Variants in ATP8A2 observed in about 807,000 individuals in gnomAD.
ATP8A2 encodes the protein phospholipid-transporting ATPase IB.
A neutral mutation model predicts 165.6 loss-of-function variants in ATP8A2; 100 were observed. The observed-to-expected ratio is 0.60, with a 90% CI of 0.51 to 0.71. The LOEUF (loss-of-function observed/expected upper bound fraction) is 0.71. ATP8A2 is among the 30% of genes least tolerant of loss of function. The probability of loss-of-function intolerance (pLI) is 0.00; values close to 1 mark genes in which losing one functional copy is unlikely to be tolerated. For synonymous variants in ATP8A2, 543 were observed against 548.8 expected (o/e 0.99, Z 0.15); for missense variants, 1,227 against 1,479.5 (o/e 0.83, Z 2.80).
chr13:25,954,726 G>A (rs1955478155), intron 33 of ATP8A2, among the ~76,000 whole-genome samples: 1 of 152,188 alleles, frequency 6.6e-6, no homozygotes, highest in South Asian at 2.1e-4. Flanking sequence ...AACACCTCCA[G>A]CAAACTCCAG....
At chr13:25,574,286 A>G (rs1313325302) in intron 18 of ATP8A2, among the ~76,000 whole-genome samples, 1 of 152,240 alleles carries the variant, frequency 6.6e-6, no homozygotes, top group Non-Finnish European at 1.5e-5. Flanking sequence ...TTTGAATTCC[A>G]AAAGATTTTT....
rs1955438849 is a variant in ATP8A2, at chr13:25,953,656, T to C, written c.3184-7919T>C. ...CTGCATTTCCAGCTGAGGAACCTGG[T>C]TCATCTCACTGGGACTGGTTAGATA... On this transcript the variant is annotated intron_variant, in intron 33 of 36. Coordinates refer to ENST00000381655, the MANE Select transcript of ATP8A2 (RefSeq NM_016529.6). The surrounding 1 kb of genome is among the most constrained non-coding windows in gnomAD (Gnocchi z 6.7). 6.6e-6 allele frequency among the ~76,000 whole-genome samples: 1 copy of C among 151,762 alleles called. No individual in the cohort carries two copies. The highest frequency in any genetic ancestry group is 1.5e-5 in the Non-Finnish European group (1 of 67,984).
At chr13:25,588,419 C>A (rs1240772925) in intron 23 of ATP8A2, among the ~76,000 whole-genome samples, 1 of 152,152 alleles carries the variant, frequency 6.6e-6, no homozygotes, top group Non-Finnish European at 1.5e-5. Flanking sequence ...TAGGTCTGAG[C>A]ACATAAATGC....
Position 25,953,815 on chromosome 13 carries a change from TCCGTCC to T in ATP8A2, c.3184-7758_3184-7753del, listed in dbSNP as rs1955446385. 6.6e-6 allele frequency among the ~76,000 whole-genome samples: 1 copy of T among 152,132 alleles called. No individual in the cohort carries two copies. Among genetic ancestry groups the T allele is most frequent in the Admixed American group, 6.5e-5 (1 of 15,282 alleles). On this transcript the variant is annotated intron_variant, in intron 33 of 36. Coordinates refer to ENST00000381655, the MANE Select transcript of ATP8A2 (RefSeq NM_016529.6). The surrounding 1 kb of genome is among the most constrained non-coding windows in gnomAD (Gnocchi z 6.7). ...GACTGTGCTGTAAGGAACCATGCAT[TCCGTCC>T]CAGATACTATGCTTTTCCCATGGTC...
At chr13:25,884,961 G>A (rs1593502607) in intron 33 of ATP8A2, among the ~76,000 whole-genome samples, 3 of 152,216 alleles carry the variant, frequency 2.0e-5, no homozygotes, top group East Asian at 3.9e-4. Flanking sequence ...GAGATGTAAG[G>A]GGCTTGATGC....
rs1273623363 is a variant in ATP8A2 at position 25,534,276 on chromosome 13, A to C, written c.507+963A>C. The C allele has an allele frequency of 2.7e-5, 14 of 515,298 alleles. No homozygotes were observed. The East Asian group carries it at 7.7e-4, about 29-fold the overall frequency. The allele number at this position is 515,298 out of a possible 1,614,324, so 31.9% of individuals were successfully genotyped here. A position where few individuals can be genotyped will look rare whatever the true frequency, so the allele number is the denominator to read the frequency against. On this transcript the variant is annotated intron_variant, in intron 6 of 36. Coordinates refer to ENST00000381655, the MANE Select transcript of ATP8A2 (RefSeq NM_016529.6). The stretch of plus-strand genomic sequence containing the variant: ...AATCTTGAAGTCGTATGCTGCAAAC[A>C]TTCATCAACCTCACGTTTGGAAAGG...
chr13:25,742,030 C>T (rs915625754), intron 25 of ATP8A2, among the ~76,000 whole-genome samples: 4 of 152,144 alleles, frequency 2.6e-5, no homozygotes, highest in South Asian at 2.1e-4. Context: ...CTGAGATATT[C>T]GTCATCAGGA....
chr13:25,947,572 C>T (rs1209836726), intron 33 of ATP8A2, among the ~76,000 whole-genome samples: 1 of 152,164 alleles, frequency 6.6e-6, no homozygotes, highest in African/African-American at 2.4e-5. Context: ...GCTCAGAAGT[C>T]CCCTTTCATT....
chr13:25,446,538 C>T (rs573851146), intron 1 of ATP8A2, among the ~76,000 whole-genome samples: 21 of 140,106 alleles, frequency 1.5e-4, no homozygotes, highest in African/African-American at 3.7e-4. Context: ...GAACCACGCC[C>T]GCAGTACATT....
At chr13:25,734,891 G>A (rs1430345131) in intron 25 of ATP8A2, among the ~76,000 whole-genome samples, 1 of 152,002 alleles carries the variant, frequency 6.6e-6, no homozygotes, top group Non-Finnish European at 1.5e-5. Context: ...CACCTGCCTC[G>A]GCCTCCCAAA....
At chr13:25,803,893 G>A (rs1950673932) in intron 27 of ATP8A2, among the ~76,000 whole-genome samples, 1 of 152,202 alleles carries the variant, frequency 6.6e-6, no homozygotes, top group Admixed American at 6.5e-5. Flanking sequence ...TCAATCTCTA[G>A]CTTTTCTAAA....
chr13:25,718,000 C>A (rs1284857853), intron 25 of ATP8A2, among the ~76,000 whole-genome samples: 1 of 152,184 alleles, frequency 6.6e-6, no homozygotes, highest in African/African-American at 2.4e-5. Context: ...ATCTCCTATG[C>A]AAGTCCCCAG....
intron 33 of ATP8A2, among the ~76,000 whole-genome samples, chr13:25,886,281 G>A (rs747774545): frequency 2.0e-5 from 3 of 152,188 alleles, no homozygotes; most frequent in African/African-American, 4.8e-5. Context: ...GGTGGTGATG[G>A]TGGAATAGCG....
intron 2 of ATP8A2, among the ~76,000 whole-genome samples, chr13:25,473,007 C>G (rs1217807278): frequency 1.3e-5 from 2 of 152,138 alleles, no homozygotes; most frequent in Non-Finnish European, 2.9e-5. Flanking sequence ...TTCTATGGAT[C>G]AAGTTTACTG....
intron 1 of ATP8A2, among the ~76,000 whole-genome samples, chr13:25,459,538 A>T (rs1314836235): frequency 6.6e-6 from 1 of 152,204 alleles, no homozygotes; most frequent in East Asian, 1.9e-4. Context: ...GAACACACAC[A>T]TTTTATGGAG....
chr13:25,835,165 C>T (rs9578925), intron 28 of ATP8A2, among the ~76,000 whole-genome samples: 3,165 of 152,162 alleles, frequency 0.021, 111 homozygotes, highest in African/African-American at 0.07. Context: ...ATCACATGTA[C>T]ACATGGATGC....
At position 26,024,761 on chromosome 13, in the gene ATP8A2, G is replaced by C. The variant is rs1477632797; in HGVS notation, c.*4776G>C. On this transcript the variant is annotated 3_prime_UTR_variant, in exon 37 of 37. Coordinates refer to ENST00000381655, the MANE Select transcript of ATP8A2 (RefSeq NM_016529.6). ...CAGACCAAGAAAAACATGCTCTCAAGATTAGCCCATAGGCAGTTCTTGTGA... is the reference window on the plus strand; with the variant it reads ...CAGACCAAGAAAAACATGCTCTCAACATTAGCCCATAGGCAGTTCTTGTGA... 1 of 152,218 alleles carries C rather than the reference G, an allele frequency of 6.6e-6. No homozygotes were observed. The highest frequency in any genetic ancestry group is 2.4e-5 in the African/African-American group (1 of 41,454). 9.4% of individuals were successfully genotyped at this position (152,218 alleles called of 1,614,324 possible). A position where few individuals can be genotyped will look rare whatever the true frequency, so the allele number is the denominator to read the frequency against.
chr13:25,885,368 C>T (rs1298888367), intron 33 of ATP8A2, among the ~76,000 whole-genome samples: 1 of 152,054 alleles, frequency 6.6e-6, no homozygotes, highest in Non-Finnish European at 1.5e-5. Context: ...CTGCCTCGGC[C>T]TCCCAAAGTG....
intron 1 of ATP8A2, among the ~76,000 whole-genome samples, chr13:25,388,891 A>G (rs12430876): frequency 1.3e-5 from 2 of 151,902 alleles, no homozygotes; most frequent in Admixed American, 6.6e-5. Context: ...ATGTCTCCAC[A>G]TGTTTGATGG....
Sources: allele counts gnomAD v4.1 joint callset (sites outside exome capture counted in the v4.1 genomes callset), GRCh38; gene constraint gnomAD v4.1.1; non-coding constraint Gnocchi (gnomAD v3.1); transcripts MANE v1.5; gene names NCBI Gene and HGNC (gene_info 2026-07-23, HGNC 2026-07-21).